Variants in NFS1 observed in about 807,000 individuals in gnomAD.
NFS1 encodes the protein NFS1 cysteine desulfurase.
NFS1 carries 26 observed loss-of-function variants against 57.3 expected under a neutral mutation model. The ratio of observed to expected loss-of-function variants is 0.45; its 90% CI spans 0.33 to 0.63. NFS1 has a LOEUF of 0.63. Among genes scored for constraint, NFS1 ranks in the 20% least tolerant of loss-of-function variants. The pLI is 0.02. For missense variants in NFS1, 505 were observed against 605.8 expected (o/e 0.83, Z 1.75); for synonymous variants, 209 against 216.3 (o/e 0.97, Z 0.30).
In NFS1 at chr20:35,691,237, A is replaced by G. The variant is rs188398865; in HGVS notation, c.409-672T>C. On this transcript the variant is annotated intron_variant, in intron 4 of 12. Coordinates refer to ENST00000374092, the MANE Select transcript of NFS1 (RefSeq NM_021100.5). ...GAAAATGTGTTTAGAGTTCTACTCT[A>G]TATTATTGGAATTTATGATTCATTC... Among the ~76,000 whole-genome samples, 8 of 152,260 alleles carry G rather than the reference A, an allele frequency of 5.3e-5. No individual in the cohort carries two copies. In the East Asian group the frequency reaches 1.5e-3, roughly 29 times the overall value.
At chr20:35,694,692 A>G (rs553803321) in intron 4 of NFS1, 49 of 152,278 alleles carry the variant, frequency 3.2e-4, no homozygotes, top group African/African-American at 1.2e-3. Flanking sequence ...GATCGAGACC[A>G]TTCTGGCTAA....
intron 4 of NFS1, chr20:35,694,514 A>G (rs1568966103): frequency 6.6e-6 from 1 of 152,184 alleles, no homozygotes; most frequent in Non-Finnish European, 1.5e-5. Flanking sequence ...TATAGGACAA[A>G]ATTATAACTA....
intron 4 of NFS1, among the ~76,000 whole-genome samples, chr20:35,695,942 A>C (rs974550538): frequency 6.6e-6 from 1 of 152,154 alleles, no homozygotes; most frequent in Non-Finnish European, 1.5e-5. Context: ...CTGGAGGCTG[A>C]GGCAGGAGAA....
chr20:35,684,910 T>C (rs1275426688), intron 5 of NFS1, among the ~76,000 whole-genome samples: 3 of 150,532 alleles, frequency 2.0e-5, no homozygotes, highest in Non-Finnish European at 3.0e-5. Flanking sequence ...TTTCTTCAGA[T>C]GGAGTCTTGC....
rs777030353 is a variant in NFS1, at chr20:35,673,730, A to G, written c.1137-46T>C. On this transcript the variant is annotated intron_variant, in intron 10 of 12. Transcript: ENST00000374092. The stretch of plus-strand genomic sequence containing the variant: ...CTTGTTCAGTTCATCATCAACGTCT[A>G]CTTTTAGTCACAAACCCTCAGTCTT... The G allele has an allele frequency of 5.4e-6, 8 of 1,473,216 alleles. 1 individual carries two copies. The highest frequency in any genetic ancestry group is 1.7e-4 in the Middle Eastern group (1 of 5,760). The allele number at this position is 1,473,216 out of a possible 1,614,324, so 91.3% of individuals were successfully genotyped here.
Position 35,699,331 on chromosome 20 carries a change from T to C in NFS1, c.-43A>G. 6 of 1,397,006 alleles carry C rather than the reference T, an allele frequency of 4.3e-6. No homozygotes were observed. The highest frequency in any genetic ancestry group is 1.5e-5 in the African/African-American group (1 of 66,498). The allele number at this position is 1,397,006 out of a possible 1,614,324, so 86.5% of individuals were successfully genotyped here. ...CCACCTTCCGAAGCCGCTGCAGTCCTGGGCCCCAGGCTCCCGGAAGTGCTG... is the reference window on the plus strand; with the variant it reads ...CCACCTTCCGAAGCCGCTGCAGTCCCGGGCCCCAGGCTCCCGGAAGTGCTG... On this transcript the variant is annotated 5_prime_UTR_variant, in exon 1 of 13. Transcript: ENST00000374092. This position sits in a 1 kb window ranked among gnomAD's most constrained non-coding sequence, Gnocchi z 4.4.
chr20:35,683,430 TGAG>T (rs958804057), intron 5 of NFS1, among the ~76,000 whole-genome samples: 6 of 140,714 alleles, frequency 4.3e-5, no homozygotes, highest in African/African-American at 8.0e-5. Context: ...TGCAGTGAGC[TGAG>T]ATCAAGCCAC....
intron 12 of NFS1, among the ~76,000 whole-genome samples, chr20:35,670,542 A>G (rs1407893640): frequency 1.3e-5 from 2 of 152,120 alleles, no homozygotes; most frequent in African/African-American, 2.4e-5. Flanking sequence ...CTTTCTATTC[A>G]TGAGATTTTC....
At chr20:35,674,670 G>C (rs1278257476) in intron 8 of NFS1, 53 bp from the exon 9 acceptor site, 21 of 1,375,162 alleles carry the variant, frequency 1.5e-5, no homozygotes, top group Non-Finnish European at 2.0e-5. Context: ...AGCTCAGAAA[G>C]ACAGTTTGAG....
intron 4 of NFS1, among the ~76,000 whole-genome samples, chr20:35,692,572 G>A (rs1321290589): frequency 6.7e-6 from 1 of 149,696 alleles, no homozygotes; most frequent in Non-Finnish European, 1.5e-5. Context: ...GCCTGGCGTG[G>A]TGGTACACAT....
chr20:35,694,795 A>T (rs2035103526), intron 4 of NFS1: 1 of 152,288 alleles, frequency 6.6e-6, no homozygotes, highest in African/African-American at 2.4e-5. Context: ...AGGCTGAGGC[A>T]GGAGAATGGC....
intron 3 of NFS1, 38 bp from the exon 4 acceptor site, chr20:35,696,498 C>T (rs375148517): frequency 5.9e-6 from 9 of 1,525,350 alleles, no homozygotes; most frequent in African/African-American, 1.4e-5. Context: ...ACATCAGTTC[C>T]CCAGGCAGAA....
chr20:35,697,821 C>T (rs2035164335), intron 2 of NFS1, 21 bp from the exon 3 acceptor site: 1 of 1,546,512 alleles, frequency 6.5e-7, no homozygotes, highest in African/African-American at 1.4e-5. Context: ...CAGAACAGAT[C>T]ATTTTCCTTG....
chr20:35,690,517 G>C lies in NFS1; in HGVS notation c.457C>G (p.Gln153Glu). The C allele has an allele frequency of 6.2e-7, 1 of 1,614,124 alleles. No individual in the cohort carries two copies. The highest frequency in any genetic ancestry group is 2.2e-5 in the East Asian group (1 of 44,864). ...TCCAAGACACATTTGTGTTCTGTCT[G>C]GGTGGTGATCAAGTGCTTTTTCCGT... ...RSRKKHLITT[Q>E]TEHKCVLDSC... Residue 153 changes from glutamine (Q) to glutamate (E), a missense_variant, in exon 5 of 13, where the codon CAG (glutamine) becomes GAG (glutamate). Gln to Glu is a conservative substitution (Grantham distance 29). Transcript: ENST00000374092.
intron 5 of NFS1, among the ~76,000 whole-genome samples, chr20:35,686,294 G>A (rs2034942441): frequency 6.9e-6 from 1 of 145,060 alleles, no homozygotes; most frequent in Non-Finnish European, 1.5e-5. Context: ...AGGTTGTGGT[G>A]AGCAGAGAGC....
chr20:35,698,422 C>A (rs1444742765), intron 2 of NFS1, 59 bp downstream of exon 2: 15 of 1,254,904 alleles, frequency 1.2e-5, no homozygotes, highest in Non-Finnish European at 1.7e-5. Flanking sequence ...CATTTCTTTG[C>A]GTGATCACGC....
intron 5 of NFS1, among the ~76,000 whole-genome samples, chr20:35,684,767 A>T (rs990122020): frequency 6.6e-6 from 1 of 151,796 alleles, no homozygotes; most frequent in South Asian, 2.1e-4. Flanking sequence ...AAATAAATAA[A>T]AAATAAATAA....
At chr20:35,697,555 C>G in intron 3 of NFS1, 129 bp downstream of exon 3, 1 of 606,592 alleles carries the variant, frequency 1.6e-6, no homozygotes, top group Non-Finnish European at 2.9e-6. Flanking sequence ...CAAGGCTGCT[C>G]TTTGAATCTC....
At chr20:35,686,657 A>G (rs1257788405) in intron 5 of NFS1, among the ~76,000 whole-genome samples, 1 of 151,532 alleles carries the variant, frequency 6.6e-6, no homozygotes, top group Non-Finnish European at 1.5e-5. Flanking sequence ...AAAAGGCCAA[A>G]TAAGTACTTT....
Sources: gnomAD v4.1 joint callset for allele counts (sites outside exome capture counted in the v4.1 genomes callset) on GRCh38, gnomAD v4.1.1 for gene constraint, Gnocchi (gnomAD v3.1) non-coding constraint, MANE v1.5 for transcripts, NCBI Gene and HGNC (gene_info 2026-07-23, HGNC 2026-07-21) for gene names.